Variants in TBC1D22A observed in about 807,000 individuals in gnomAD.
The protein encoded by TBC1D22A is putative GTPase activator.
TBC1D22A carries 38 observed loss-of-function variants against 60.2 expected under a neutral mutation model. The observed-to-expected ratio is 0.63, with a 90% confidence interval of 0.49 to 0.83. The LOEUF is 0.83. Ranked by LOEUF, TBC1D22A falls within the 40% of genes least tolerant of loss-of-function variation. The probability of loss-of-function intolerance (pLI) is 0.00; values close to 1 mark genes in which losing one functional copy is unlikely to be tolerated. For synonymous variants in TBC1D22A, 302 were observed against 281.7 expected, an observed-to-expected ratio of 1.07 and a Z score of -0.72; for missense variants, 628 against 701.0, an observed-to-expected ratio of 0.90 and a Z score of 1.18.
rs966807046 is a variant in TBC1D22A, at chr22:46,781,014, A to T, written c.63-11506A>T. Among the ~76,000 whole-genome samples the T allele has an allele frequency of 9.9e-5, 15 of 152,144 alleles. 1 individual carries two copies. Among genetic ancestry groups the T allele is most frequent in the Non-Finnish European group, 4.4e-5 (3 of 68,034 alleles). ...GTCCTGAAGAGTTGGTGTTGATGTCAGGGACCCATTCTCTTTCTCTTGGGC... is the reference window on the plus strand; with the variant it reads ...GTCCTGAAGAGTTGGTGTTGATGTCTGGGACCCATTCTCTTTCTCTTGGGC... On this transcript the variant is annotated intron_variant, in intron 1 of 12. Transcript: ENST00000337137.
At chr22:46,988,972 A>T (rs1340696171) in intron 9 of TBC1D22A, among the ~76,000 whole-genome samples, 1 of 152,236 alleles carries the variant, frequency 6.6e-6, no homozygotes, top group Non-Finnish European at 1.5e-5. Context: ...TTCGTCAGTT[A>T]TCTTGGCTAG....
At position 46,913,773 on chromosome 22, in the gene TBC1D22A, A is replaced by G. The variant is rs1039338629; in HGVS notation, c.1015+1585A>G. ...AATAGACCATTTAATTAATGTGGTA[A>G]ATAAGTTTGTTTTAACTACTTTACC... On this transcript the variant is annotated intron_variant, in intron 8 of 12. Coordinates refer to ENST00000337137, the MANE Select transcript of TBC1D22A (RefSeq NM_014346.5). 18 of 985,136 alleles carry G rather than the reference A, an allele frequency of 1.8e-5. No homozygotes were observed. The African/African-American group carries it at 2.8e-4, about 15-fold the overall frequency. The allele number at this position is 985,136 out of a possible 1,614,324, so 61.0% of individuals were successfully genotyped here.
intron 10 of TBC1D22A, among the ~76,000 whole-genome samples, chr22:47,032,859 G>T (rs1603087292): frequency 6.6e-6 from 1 of 152,194 alleles, no homozygotes; most frequent in African/African-American, 2.4e-5. Context: ...AGTGAAACCA[G>T]GTGCCACCTG....
chr22:47,172,287 C>T (rs886514329), intron 12 of TBC1D22A, among the ~76,000 whole-genome samples: 9 of 152,196 alleles, frequency 5.9e-5, no homozygotes, highest in African/African-American at 2.2e-4. Flanking sequence ...TACTGCTGGC[C>T]GTATGTGTGT....
chr22:46,963,377 C>CTCA (rs1373445843), intron 8 of TBC1D22A, among the ~76,000 whole-genome samples: 1 of 151,514 alleles, frequency 6.6e-6, no homozygotes, highest in Non-Finnish European at 1.5e-5. Flanking sequence ...TCCCGCAGTG[C>CTCA]CCAAGGCTGG....
At chr22:47,089,671 T>C (rs2064842796) in intron 11 of TBC1D22A, among the ~76,000 whole-genome samples, 1 of 152,226 alleles carries the variant, frequency 6.6e-6, no homozygotes, top group Non-Finnish European at 1.5e-5. Context: ...TTAAAGATCC[T>C]GTCTTGTTTC....
At chr22:46,996,906 G>C (rs559431130) in intron 9 of TBC1D22A, among the ~76,000 whole-genome samples, 1 of 152,258 alleles carries the variant, frequency 6.6e-6, no homozygotes, top group Admixed American at 6.5e-5. Flanking sequence ...CTGAGTCCTA[G>C]AAGGCAGTGT....
intron 8 of TBC1D22A, among the ~76,000 whole-genome samples, chr22:46,917,611 C>T (rs1285257528): frequency 1.3e-5 from 2 of 152,174 alleles, no homozygotes; most frequent in Non-Finnish European, 2.9e-5. Flanking sequence ...TGAGTGTGCT[C>T]TGTCGGCAGT....
intron 4 of TBC1D22A, among the ~76,000 whole-genome samples, chr22:46,836,347 G>T (rs527636799): frequency 6.6e-6 from 1 of 152,270 alleles, no homozygotes; most frequent in African/African-American, 2.4e-5. Context: ...GTAAGAGAGA[G>T]AACTAAAAGT....
At chr22:47,000,719 A>C (rs561155916) in intron 10 of TBC1D22A, among the ~76,000 whole-genome samples, 1 of 152,164 alleles carries the variant, frequency 6.6e-6, no homozygotes, top group Non-Finnish European at 1.5e-5. Context: ...AGTGAAAGAA[A>C]AAGGTGAGAG....
At chr22:46,920,619 G>A (rs955965378) in intron 8 of TBC1D22A, among the ~76,000 whole-genome samples, 39 of 152,262 alleles carry the variant, frequency 2.6e-4, no homozygotes, top group African/African-American at 9.4e-4. Context: ...CGTGTGTCAT[G>A]CTTTGCACAG....
intron 2 of TBC1D22A, among the ~76,000 whole-genome samples, chr22:46,792,972 C>G (rs1015196909): frequency 1.3e-5 from 2 of 152,264 alleles, no homozygotes; most frequent in African/African-American, 2.4e-5. Flanking sequence ...CAGGCGGGAG[C>G]GCAGAGTGTG....
At chr22:46,988,876 C>T (rs2074827472) in intron 9 of TBC1D22A, among the ~76,000 whole-genome samples, 1 of 152,244 alleles carries the variant, frequency 6.6e-6, no homozygotes, top group Admixed American at 6.5e-5. Flanking sequence ...CTCCTCCTCT[C>T]TAGCCATGAA....
intron 11 of TBC1D22A, among the ~76,000 whole-genome samples, chr22:47,071,601 G>T (rs903114516): frequency 6.6e-6 from 1 of 152,206 alleles, no homozygotes; most frequent in Non-Finnish European, 1.5e-5. Flanking sequence ...GGCGGGAAAG[G>T]ATCCAGCCCT....
intron 8 of TBC1D22A, among the ~76,000 whole-genome samples, chr22:46,931,481 C>T (rs2071352358): frequency 6.6e-6 from 1 of 152,206 alleles, no homozygotes. Context: ...TTTTAGCCCT[C>T]CTAATATAAA....
chr22:46,825,917 C>G (rs529215157), intron 4 of TBC1D22A, among the ~76,000 whole-genome samples: 82 of 146,620 alleles, frequency 5.6e-4, no homozygotes, highest in African/African-American at 2.0e-3. Context: ...GAGTCTTGCT[C>G]TGTCGCCCAG....
intron 4 of TBC1D22A, among the ~76,000 whole-genome samples, chr22:46,800,848 G>C (rs2084868027): frequency 6.6e-6 from 1 of 152,194 alleles, no homozygotes; most frequent in Admixed American, 6.5e-5. Context: ...ACTTACAGAT[G>C]TTTTCCTGGT....
chr22:46,857,065 C>T (rs2087607813), intron 4 of TBC1D22A, among the ~76,000 whole-genome samples: 1 of 152,250 alleles, frequency 6.6e-6, no homozygotes, highest in Non-Finnish European at 1.5e-5. Context: ...TGTGGGGTGC[C>T]CCCATGGAAG....
chr22:46,913,297 T>G (rs1306030599), intron 8 of TBC1D22A: 2 of 1,355,032 alleles, frequency 1.5e-6, no homozygotes, highest in Non-Finnish European at 2.0e-6. Flanking sequence ...CCTTCTGGAC[T>G]TGGTGCTCGC....
Sources: gnomAD v4.1 joint callset for allele counts (sites outside exome capture counted in the v4.1 genomes callset) on GRCh38, gnomAD v4.1.1 for gene constraint, MANE v1.5 for transcripts, NCBI Gene and HGNC (gene_info 2026-07-23, HGNC 2026-07-21) for gene names.